Variants in SMG6 observed in about 807,000 individuals in gnomAD.
SMG6 encodes SMG6 nonsense mediated mRNA decay factor.
SMG6 carries 66 observed loss-of-function variants against 142.2 expected under a neutral mutation model. That is an observed-to-expected ratio of 0.46 (90% CI 0.38 to 0.57). SMG6 has a LOEUF of 0.57. SMG6 is among the 20% of genes least tolerant of loss of function. SMG6 has a pLI of 0.00. For synonymous variants in SMG6, 779 were observed against 702.4 expected (o/e 1.11, Z -1.72); for missense variants, 1,793 against 1,832.0 (o/e 0.98, Z 0.39).
rs2072845475 is a variant in SMG6 at position 2,211,110 on chromosome 17, A to AT, written c.2870-22596_2870-22595insA. 2.6e-5 allele frequency among the ~76,000 whole-genome samples: 4 copies of AT among 151,780 alleles called. No homozygotes were observed. The South Asian group carries it at 8.3e-4, about 32-fold the overall frequency. On this transcript the variant is annotated intron_variant, in intron 10 of 18. Transcript: ENST00000263073. The stretch of plus-strand genomic sequence containing the variant: ...AGGAGCTGGATTTTATTAAAAAAAA[A>AT]AAAATAGAAAAAAGATACATAGAAC...
intron 8 of SMG6, among the ~76,000 whole-genome samples, chr17:2,261,587 T>C (rs1350469538): frequency 2.0e-5 from 3 of 152,186 alleles, no homozygotes; most frequent in Non-Finnish European, 2.9e-5. Flanking sequence ...ATTCTAACTC[T>C]GAGGTGGTAG....
At chr17:2,200,370 T>A (rs183182890) in intron 10 of SMG6, among the ~76,000 whole-genome samples, 267 of 152,294 alleles carry the variant, frequency 1.8e-3, no homozygotes, top group Middle Eastern at 6.8e-3. Context: ...TTATTTTTTT[T>A]AATTATACTC....
Position 2,255,432 on chromosome 17 carries a change from A to AAAAAAAAG in SMG6, c.2662-10714_2662-10713insCTTTTTTT, listed in dbSNP as rs2074149977. Reference sequence around the variant, plus strand: ...AAAAAAAAAAAAAAAAAAAAAAAGAATGTGATCTTCATTAAAGCCACTGAA... The same window carrying AAAAAAAAG: ...AAAAAAAAAAAAAAAAAAAAAAAGAAAAAAAAAGTGTGATCTTCATTAAAGCCACTGAA... On this transcript the variant is annotated intron_variant, in intron 8 of 18. Coordinates refer to ENST00000263073, the MANE Select transcript of SMG6 (RefSeq NM_017575.5). Among the ~76,000 whole-genome samples the AAAAAAAAG allele has an allele frequency of 2.1e-5, 3 of 144,324 alleles. 1 individual carries two copies. The highest frequency in any genetic ancestry group is 1.5e-5 in the Non-Finnish European group (1 of 66,206). 94.7% of individuals were successfully genotyped at this position (144,324 alleles called of 152,430 possible).
chr17:2,291,866 A>AG (rs1217831933), intron 6 of SMG6, among the ~76,000 whole-genome samples: 1 of 151,422 alleles, frequency 6.6e-6, no homozygotes, highest in Non-Finnish European at 1.5e-5. Flanking sequence ...AAAAAAAAAA[A>AG]AAAAAGAGAG....
intron 17 of SMG6, 85 bp from the exon 18 acceptor site, chr17:2,065,239 C>G: frequency 7.9e-7 from 1 of 1,257,952 alleles, no homozygotes; most frequent in Non-Finnish European, 1.1e-6. Context: ...GCCTCGGGGG[C>G]CCTGGGCAGG....
intron 13 of SMG6, among the ~76,000 whole-genome samples, chr17:2,134,621 G>T (rs973890711): frequency 2.6e-5 from 4 of 151,986 alleles, no homozygotes; most frequent in Non-Finnish European, 5.9e-5. Flanking sequence ...GTCTATGAAA[G>T]GAGGCTGTTT....
chr17:2,151,774 G>T (rs2070832728), intron 13 of SMG6, among the ~76,000 whole-genome samples: 1 of 152,200 alleles, frequency 6.6e-6, no homozygotes, highest in Admixed American at 6.5e-5. Context: ...CCAGTGGAAA[G>T]AATTCCACAC....
intron 10 of SMG6, among the ~76,000 whole-genome samples, chr17:2,196,314 C>A (rs576216639): frequency 6.6e-6 from 1 of 152,212 alleles, no homozygotes; most frequent in African/African-American, 2.4e-5. Flanking sequence ...CCCAGCTACT[C>A]GGGAGGCTGA....
At chr17:2,201,865 A>T (rs1290050973) in intron 10 of SMG6, among the ~76,000 whole-genome samples, 1 of 151,870 alleles carries the variant, frequency 6.6e-6, no homozygotes, top group African/African-American at 2.4e-5. Context: ...CTCTACTAAA[A>T]ATACAAAAAT....
chr17:2,164,754 T>C (rs906003386), intron 13 of SMG6, among the ~76,000 whole-genome samples: 3 of 151,662 alleles, frequency 2.0e-5, no homozygotes, highest in Admixed American at 6.6e-5. Flanking sequence ...CTGGCTAACA[T>C]GGCAAAACCC....
chr17:2,213,538 C>T (rs1295459179), intron 10 of SMG6, among the ~76,000 whole-genome samples: 1 of 152,118 alleles, frequency 6.6e-6, no homozygotes, highest in East Asian at 1.9e-4. Context: ...GGCTGTAGCA[C>T]ACATGTTGAG....
At chr17:2,078,930 A>G (rs1368968441) in intron 15 of SMG6, among the ~76,000 whole-genome samples, 1 of 146,786 alleles carries the variant, frequency 6.8e-6, no homozygotes, top group East Asian at 1.9e-4. Context: ...TTGGTCAACT[A>G]TGACACAGAC....
chr17:2,088,188 G>A, intron 13 of SMG6: 3 of 985,460 alleles, frequency 3.0e-6, no homozygotes, highest in Non-Finnish European at 3.6e-6. Flanking sequence ...AGGCGGGCAG[G>A]AGTGTTGCTG....
chr17:2,302,196 T>C (rs887963253), intron 1 of SMG6, among the ~76,000 whole-genome samples: 4 of 151,862 alleles, frequency 2.6e-5, no homozygotes, highest in Middle Eastern at 3.4e-3. Flanking sequence ...GAGGCTACAG[T>C]GAGCTGAGAT....
chr17:2,303,500 C>A (rs891179285), intron 1 of SMG6, 133 bp downstream of exon 1: 99 of 1,327,590 alleles, frequency 7.5e-5, no homozygotes, highest in Non-Finnish European at 8.9e-5. Flanking sequence ...GGGTCCGCCG[C>A]GGCCCCAGCG....
At chr17:2,066,490 T>C (rs1260243267) in intron 16 of SMG6, among the ~76,000 whole-genome samples, 4 of 152,008 alleles carry the variant, frequency 2.6e-5, no homozygotes, top group South Asian at 2.1e-4. Context: ...GTGGGAAATA[T>C]GTGCTCCTCG....
intron 13 of SMG6, among the ~76,000 whole-genome samples, chr17:2,094,451 C>G (rs2068804320): frequency 6.6e-6 from 1 of 152,050 alleles, no homozygotes; most frequent in Non-Finnish European, 1.5e-5. Flanking sequence ...ATTGGCCAGG[C>G]TGGTCTCTAA....
intron 6 of SMG6, among the ~76,000 whole-genome samples, chr17:2,290,977 G>C (rs1007792270): frequency 6.6e-6 from 1 of 152,172 alleles, no homozygotes; most frequent in African/African-American, 2.4e-5. Flanking sequence ...GGTTGTCAGG[G>C]GCTGAGGGGA....
At chr17:2,089,165 G>T (rs2232476) in intron 13 of SMG6, among the ~76,000 whole-genome samples, 11 of 152,144 alleles carry the variant, frequency 7.2e-5, no homozygotes, top group Admixed American at 2.6e-4. Flanking sequence ...AACTCTGCTC[G>T]TGAGCACATT....
Sources: gnomAD v4.1 joint callset for allele counts (sites outside exome capture counted in the v4.1 genomes callset) on GRCh38, gnomAD v4.1.1 for gene constraint, MANE v1.5 for transcripts, NCBI Gene and HGNC (gene_info 2026-07-23, HGNC 2026-07-21) for gene names.